Variants in POT1 observed in about 807,000 individuals in gnomAD.
POT1 encodes the protein protection of telomeres 1.
POT1 carries 47 observed loss-of-function variants against 78.5 expected under a neutral mutation model. The observed-to-expected ratio is 0.60, with a 90% CI of 0.47 to 0.76. POT1 has a LOEUF of 0.76. POT1 is among the 30% of genes least tolerant of loss of function. The probability of loss-of-function intolerance (pLI) is 0.00; values close to 1 mark genes in which losing one functional copy is unlikely to be tolerated. For synonymous variants in POT1, 259 were observed against 260.7 expected (o/e 0.99, Z 0.06); for missense variants, 646 against 749.9 (o/e 0.86, Z 1.62).
At chr7:124,925,289 T>G (rs758085890) in intron 2 of POT1, among the ~76,000 whole-genome samples, 1 of 151,966 alleles carries the variant, frequency 6.6e-6, no homozygotes, top group Non-Finnish European at 1.5e-5. Flanking sequence ...TGTACAAAAA[T>G]CAGTAATGTT....
intron 3 of POT1, among the ~76,000 whole-genome samples, chr7:124,901,183 A>G (rs1420655664): frequency 6.6e-6 from 1 of 152,186 alleles, no homozygotes; most frequent in Admixed American, 6.5e-5. Context: ...AGATCTGAAA[A>G]TGGACAGATT....
At chr7:124,831,700 A>T (rs4141073) in intron 15 of POT1, among the ~76,000 whole-genome samples, 103,677 of 151,948 alleles carry the variant, frequency 0.68, 35,398 homozygotes, top group East Asian at 0.8. Context: ...ACATACTCCA[A>T]AGATGTTAAA....
chr7:124,904,132 C>A (rs1270551612), intron 3 of POT1, among the ~76,000 whole-genome samples: 1 of 152,242 alleles, frequency 6.6e-6, no homozygotes, highest in Middle Eastern at 3.4e-3. Context: ...TTCCAATCAA[C>A]AGAAACAGAG....
intron 15 of POT1, among the ~76,000 whole-genome samples, chr7:124,831,263 T>C (rs924059205): frequency 2.0e-5 from 3 of 152,186 alleles, no homozygotes; most frequent in African/African-American, 7.2e-5. Context: ...GGAAGAACAA[T>C]TTGGTATTTC....
chr7:124,879,227 T>A (rs952981254), intron 6 of POT1, among the ~76,000 whole-genome samples: 5 of 152,108 alleles, frequency 3.3e-5, no homozygotes, highest in African/African-American at 1.2e-4. Context: ...CTAAAACACA[T>A]CTGAAAGGGC....
At chr7:124,858,138 A>G (rs1346259960) in intron 9 of POT1, among the ~76,000 whole-genome samples, 1 of 152,092 alleles carries the variant, frequency 6.6e-6, no homozygotes, top group Non-Finnish European at 1.5e-5. Flanking sequence ...GGGTCAGGGA[A>G]ATACCCTGCT....
chr7:124,892,380 C>T lies in POT1; in HGVS notation c.10G>A (p.Val4Ile). 7.1e-7 allele frequency: 1 copy of T among 1,401,652 alleles called. No homozygotes were observed. The highest frequency in any genetic ancestry group is 9.5e-7 in the Non-Finnish European group (1 of 1,053,778). 86.8% of individuals were successfully genotyped at this position (1,401,652 alleles called of 1,614,324 possible). A position where few individuals can be genotyped will look rare whatever the true frequency, so the allele number is the denominator to read the frequency against. ...GTATATATATAATTTGTTGCTGGAA[C>T]CTAAAGAAAGAGAAGACAGTGAATA... is the stretch of plus-strand genomic sequence containing the variant. MSLVPATNYIYTPL... is the reference protein window; with the variant it reads MSLIPATNYIYTPL... The change falls in exon 6 of 19, where the codon GTT becomes ATT. Residue 4 changes from valine to isoleucine, a missense_variant and splice_region_variant. Coordinates refer to ENST00000357628, the MANE Select transcript of POT1 (RefSeq NM_015450.3).
At chr7:124,880,940 A>G (rs1188895307) in intron 6 of POT1, among the ~76,000 whole-genome samples, 2 of 152,048 alleles carry the variant, frequency 1.3e-5, no homozygotes, top group Non-Finnish European at 2.9e-5. Context: ...CCAAAATATC[A>G]TCTACTTGCT....
At chr7:124,879,578 T>A (rs1796070721) in intron 6 of POT1, among the ~76,000 whole-genome samples, 1 of 152,156 alleles carries the variant, frequency 6.6e-6, no homozygotes, top group South Asian at 2.1e-4. Flanking sequence ...GCAAACGACA[T>A]GCTGACTCTA....
intron 11 of POT1, among the ~76,000 whole-genome samples, chr7:124,847,862 T>C (rs1287161425): frequency 6.6e-6 from 1 of 152,220 alleles, no homozygotes; most frequent in Non-Finnish European, 1.5e-5. Flanking sequence ...CTTCACACTA[T>C]ACTAGTAAGC....
intron 11 of POT1, among the ~76,000 whole-genome samples, chr7:124,850,884 T>C (rs34600520): frequency 0.6 from 90,540 of 150,324 alleles, 27,381 homozygotes; most frequent in African/African-American, 0.65. Flanking sequence ...CTTTGGATCA[T>C]AGCAGGGTAG....
chr7:124,846,285 T>A (rs1795164924), intron 12 of POT1, among the ~76,000 whole-genome samples: 1 of 152,084 alleles, frequency 6.6e-6, no homozygotes. Flanking sequence ...CATGAGTACA[T>A]AATGGTACCT....
intron 9 of POT1, among the ~76,000 whole-genome samples, chr7:124,853,697 C>A (rs1190531336): frequency 1.3e-5 from 2 of 148,444 alleles, no homozygotes; most frequent in Non-Finnish European, 3.0e-5. Flanking sequence ...TGTACCACCA[C>A]AGTGTGAAAC....
chr7:124,842,207 T>G (rs1241157863), intron 13 of POT1, among the ~76,000 whole-genome samples: 3 of 151,944 alleles, frequency 2.0e-5, no homozygotes, highest in Non-Finnish European at 4.4e-5. Context: ...AGTAGGCAAA[T>G]TGCAAAAAGA....
intron 3 of POT1, among the ~76,000 whole-genome samples, chr7:124,906,887 A>G (rs1363495294): frequency 1.3e-5 from 2 of 152,132 alleles, no homozygotes; most frequent in East Asian, 1.9e-4. Flanking sequence ...AGAAAAATAT[A>G]TAACAGATAA....
At chr7:124,832,162 G>C (rs1050811089) in intron 15 of POT1, among the ~76,000 whole-genome samples, 1 of 144,372 alleles carries the variant, frequency 6.9e-6, no homozygotes, top group African/African-American at 2.5e-5. Flanking sequence ...GGGAGGCTGA[G>C]ATAGTAGGAT....
At chr7:124,859,197 A>G in intron 8 of POT1, 85 bp from the exon 9 acceptor site, 1 of 1,043,330 alleles carries the variant, frequency 9.6e-7, no homozygotes, top group South Asian at 2.6e-5. Flanking sequence ...CAGTATTTAA[A>G]AGTAATTAAA....
intron 13 of POT1, among the ~76,000 whole-genome samples, chr7:124,842,051 T>C (rs1795040356): frequency 6.6e-6 from 1 of 151,980 alleles, no homozygotes; most frequent in South Asian, 2.1e-4. Flanking sequence ...ACTCACAATT[T>C]ATAAGCACAC....
chr7:124,928,010 G>C (rs1797316062), intron 2 of POT1, among the ~76,000 whole-genome samples: 1 of 152,034 alleles, frequency 6.6e-6, no homozygotes, highest in African/African-American at 2.4e-5. Context: ...CTGAAACACA[G>C]TGTCTTTAAT....
Sources: allele counts gnomAD v4.1 joint callset (sites outside exome capture counted in the v4.1 genomes callset), GRCh38; gene constraint gnomAD v4.1.1; transcripts MANE v1.5; gene names NCBI Gene and HGNC (gene_info 2026-07-23, HGNC 2026-07-21).